BICD1: variants seen among roughly 807,000 people sequenced by gnomAD.
BICD1 encodes protein bicaudal D homolog 1.
Under a neutral mutation model 92.5 loss-of-function variants are expected in BICD1, and 35 were observed. The observed-to-expected ratio is 0.38, with a 90% CI of 0.29 to 0.50. The LOEUF is 0.50. Ranked by LOEUF, BICD1 falls within the 20% of genes least tolerant of loss-of-function variation. The pLI is 0.93. For synonymous variants in BICD1, 429 were observed against 465.1 expected, an observed-to-expected ratio of 0.92 and a Z score of 1.00; for missense variants, 950 against 1,189.8, an observed-to-expected ratio of 0.80 and a Z score of 2.97.
chr12:32,266,023 C>T (rs929728142), intron 2 of BICD1, among the ~76,000 whole-genome samples: 1 of 152,108 alleles, frequency 6.6e-6, no homozygotes, highest in Non-Finnish European at 1.5e-5. Context: ...TCTATAGAGA[C>T]TTTCATTGCT....
At chr12:32,111,759 C>T (rs1941703610) in intron 1 of BICD1, among the ~76,000 whole-genome samples, 1 of 151,990 alleles carries the variant, frequency 6.6e-6, no homozygotes, top group African/African-American at 2.4e-5. Flanking sequence ...ACGCATTCAC[C>T]ACCACACCTG....
chr12:32,326,454 G>A (rs1051941433), intron 4 of BICD1, among the ~76,000 whole-genome samples: 6 of 151,880 alleles, frequency 4.0e-5, no homozygotes, highest in Non-Finnish European at 7.4e-5. Context: ...TTCATCACAC[G>A]GTAATACTTA....
intron 8 of BICD1, among the ~76,000 whole-genome samples, chr12:32,345,276 GAAAA>G (rs1219058654): frequency 1.2e-5 from 1 of 83,238 alleles, no homozygotes; most frequent in Non-Finnish European, 2.6e-5. Flanking sequence ...CCCTGTCTCA[GAAAA>G]AAAAAAAAAA....
At chr12:32,339,121 C>G in intron 8 of BICD1, 142 bp downstream of exon 8, 1 of 1,349,162 alleles carries the variant, frequency 7.4e-7, no homozygotes, top group Non-Finnish European at 9.4e-7. Flanking sequence ...GTAAAAACTT[C>G]CTTACACTTA....
At chr12:32,191,528 G>A (rs902322572) in intron 1 of BICD1, among the ~76,000 whole-genome samples, 11 of 147,998 alleles carry the variant, frequency 7.4e-5, no homozygotes, top group Non-Finnish European at 1.0e-4. Context: ...TCCCATTTTG[G>A]TAATTCACAC....
chr12:32,216,255 G>A lies in BICD1; in HGVS notation c.222G>A (p.Gly74=). The A allele has an allele frequency of 1.2e-6, 2 of 1,613,390 alleles. No individual in the cohort carries two copies. Among genetic ancestry groups the A allele is most frequent in the African/African-American group, 2.7e-5 (2 of 74,956 alleles). ...QELEQLKEAF[G]QSFSIHRKVA... ...TCCCATATACTCTGCAGGCATTTGG[G>A]CAGTCCTTCTCCATCCACCGGAAGG... is the stretch of plus-strand genomic sequence containing the variant. The change falls in exon 2 of 10, where the codon GGG becomes GGA. Residue 74 remains glycine, a synonymous_variant. Coordinates refer to ENST00000652176, the MANE Select transcript of BICD1 (RefSeq NM_001714.4).
chr12:32,114,867 A>T, intron 1 of BICD1, among the ~76,000 whole-genome samples: 1 of 152,234 alleles, frequency 6.6e-6, no homozygotes, highest in African/African-American at 2.4e-5. Flanking sequence ...AAGGCAGCCT[A>T]AGTGGAAAAT....
chr12:32,327,348 A>G, intron 4 of BICD1, 113 bp from the exon 5 acceptor site: 2 of 1,240,422 alleles, frequency 1.6e-6, no homozygotes, highest in Non-Finnish European at 2.2e-6. Context: ...AATAGTGGGA[A>G]CATTGGCTCT....
At chr12:32,233,764 T>C (rs1945974203) in intron 2 of BICD1, among the ~76,000 whole-genome samples, 2 of 152,202 alleles carry the variant, frequency 1.3e-5, no homozygotes, top group African/African-American at 4.8e-5. Flanking sequence ...AAGTAATGCA[T>C]AGTCAGCATT....
chr12:32,138,121 GCT>G, intron 1 of BICD1, among the ~76,000 whole-genome samples: 1 of 152,110 alleles, frequency 6.6e-6, no homozygotes, highest in Admixed American at 6.5e-5. Context: ...TTTAAAAATA[GCT>G]CGCTTGTGTT....
chr12:32,152,549 A>G (rs1276305687), intron 1 of BICD1, among the ~76,000 whole-genome samples: 2 of 152,242 alleles, frequency 1.3e-5, no homozygotes, highest in Non-Finnish European at 1.5e-5. Flanking sequence ...TCAAATTTCA[A>G]TTCTAGCTGT....
chr12:32,110,875 A>T (rs1012724901), intron 1 of BICD1, among the ~76,000 whole-genome samples: 44 of 151,486 alleles, frequency 2.9e-4, no homozygotes, highest in Non-Finnish European at 4.9e-4. Context: ...ATTAGGAGAT[A>T]TACCTAATGC....
At chr12:32,353,421 A>C (rs1403046703) in intron 8 of BICD1, 1 of 152,102 alleles carries the variant, frequency 6.6e-6, no homozygotes, top group Non-Finnish European at 1.5e-5. Context: ...AGAAATGTGG[A>C]TTACATGTTA....
chr12:32,138,001 G>T (rs534835749), intron 1 of BICD1, among the ~76,000 whole-genome samples: 4 of 152,248 alleles, frequency 2.6e-5, no homozygotes, highest in Admixed American at 2.6e-4. Flanking sequence ...GTTTTGCTAT[G>T]TTGGCCAAGC....
At chr12:32,107,566 C>T (rs202245683) in intron 1 of BICD1, 22 bp downstream of exon 1, 14 of 1,555,626 alleles carry the variant, frequency 9.0e-6, no homozygotes, top group Middle Eastern at 1.7e-4. Context: ...GTCACCTCTC[C>T]CTTTCCTGGC....
intron 1 of BICD1, among the ~76,000 whole-genome samples, chr12:32,116,889 T>C (rs1165595064): frequency 1.3e-5 from 2 of 152,058 alleles, no homozygotes; most frequent in Non-Finnish European, 2.9e-5. Context: ...CTTCTACATT[T>C]TTTTTTTAAC....
intron 9 of BICD1, among the ~76,000 whole-genome samples, chr12:32,368,725 C>A (rs1321414839): frequency 1.3e-5 from 2 of 151,870 alleles, no homozygotes; most frequent in African/African-American, 2.4e-5. Context: ...AAATATATAT[C>A]TCAGGCCAAC....
In BICD1 at chr12:32,107,267, C is replaced by T; in HGVS notation, c.-65C>T. On this transcript the variant is annotated 5_prime_UTR_variant, in exon 1 of 10. Coordinates refer to ENST00000652176, the MANE Select transcript of BICD1 (RefSeq NM_001714.4). ...TCCCTTCCCATTTCCTTCTCCCTTT[C>T]CCCGCCAGCTTCGCATCCATCTCCC... 7.1e-7 allele frequency: 1 copy of T among 1,409,090 alleles called. No individual in the cohort carries two copies. Among genetic ancestry groups the T allele is most frequent in the Non-Finnish European group, 9.7e-7 (1 of 1,028,828 alleles). 87.3% of individuals were successfully genotyped at this position (1,409,090 alleles called of 1,614,324 possible).
intron 1 of BICD1, among the ~76,000 whole-genome samples, chr12:32,129,524 CAA>C (rs756293470): frequency 0.029 from 2,377 of 82,552 alleles, 57 homozygotes; most frequent in African/African-American, 0.11. Flanking sequence ...GATTCCATCT[CAA>C]AAAAAAAAAA....
Sources: allele counts gnomAD v4.1 joint callset (sites outside exome capture counted in the v4.1 genomes callset), GRCh38; gene constraint gnomAD v4.1.1; transcripts MANE v1.5; gene names NCBI Gene and HGNC (gene_info 2026-07-23, HGNC 2026-07-21).